IL20RA: variants seen among roughly 807,000 people sequenced by gnomAD.
IL20RA encodes interleukin 20 receptor subunit alpha.
Under a neutral mutation model 36.5 loss-of-function variants are expected in IL20RA, and 29 were observed. The observed-to-expected ratio is 0.79, with a 90% CI of 0.59 to 1.08. The LOEUF is 1.08. Among genes scored for constraint, IL20RA ranks in the 50% least tolerant of loss-of-function variants. The pLI is 0.00. For missense variants in IL20RA, 652 were observed against 668.4 expected, an observed-to-expected ratio of 0.98 and a Z score of 0.27; for synonymous variants, 279 against 267.1, an observed-to-expected ratio of 1.04 and a Z score of -0.43.
intron 1 of IL20RA, chr6:137,037,983 G>C (rs920062000): frequency 3.9e-5 from 6 of 152,120 alleles, no homozygotes; most frequent in Non-Finnish European, 5.9e-5. Flanking sequence ...TGGGTGCAGG[G>C]TAGTGAGTAT....
intron 1 of IL20RA, among the ~76,000 whole-genome samples, chr6:137,021,840 A>C (rs1775919312): frequency 6.6e-6 from 1 of 152,172 alleles, no homozygotes; most frequent in African/African-American, 2.4e-5. Flanking sequence ...AATCCTTACC[A>C]CACAGCCAGG....
In IL20RA at chr6:137,001,005, G is replaced by A. The variant is rs1775014655; in HGVS notation, c.*553C>T. 6.6e-6 allele frequency: 1 copy of A among 152,396 alleles called. No individual in the cohort carries two copies. The highest frequency in any genetic ancestry group is 6.5e-5 in the Admixed American group (1 of 15,296). The allele number at this position is 152,396 out of a possible 1,614,324, so 9.4% of individuals were successfully genotyped here. Reference sequence around the variant, plus strand: ...GATATCATGAAGGTCTGTGCCTGATGTATTCACTCAAAATATGAATCATGA... The same window carrying A: ...GATATCATGAAGGTCTGTGCCTGATATATTCACTCAAAATATGAATCATGA... On this transcript the variant is annotated 3_prime_UTR_variant, in exon 7 of 7. Coordinates refer to ENST00000316649, the MANE Select transcript of IL20RA (RefSeq NM_014432.4).
At chr6:137,024,762 C>A (rs1422744767) in intron 1 of IL20RA, among the ~76,000 whole-genome samples, 1 of 152,164 alleles carries the variant, frequency 6.6e-6, no homozygotes, top group Non-Finnish European at 1.5e-5. Context: ...TGAATAAATA[C>A]TGGCTTGTGC....
chr6:137,026,777 C>A (rs538215160), intron 1 of IL20RA, among the ~76,000 whole-genome samples: 1 of 152,178 alleles, frequency 6.6e-6, no homozygotes, highest in African/African-American at 2.4e-5. Context: ...TTGAAAGGAA[C>A]GGCATGTTTT....
intron 1 of IL20RA, among the ~76,000 whole-genome samples, chr6:137,037,492 T>C (rs907505098): frequency 7.9e-5 from 12 of 152,194 alleles, no homozygotes; most frequent in African/African-American, 2.9e-4. Context: ...GAAATTGTAC[T>C]AATATGAAAT....
At chr6:137,008,880 T>TTC in intron 4 of IL20RA, 137 bp from the exon 5 acceptor site, 1 of 591,318 alleles carries the variant, frequency 1.7e-6, no homozygotes, top group Non-Finnish European at 2.6e-6. Context: ...TTTTTTTTTT[T>TTC]TTTTTTCAGC....
At chr6:137,038,412 C>A (rs536086957) in intron 1 of IL20RA, among the ~76,000 whole-genome samples, 72 of 151,782 alleles carry the variant, frequency 4.7e-4, no homozygotes, top group Middle Eastern at 3.4e-3. Flanking sequence ...CTCCTGGCTG[C>A]TCTCAAATTC....
intron 1 of IL20RA, among the ~76,000 whole-genome samples, chr6:137,032,322 G>A (rs1776325345): frequency 1.3e-5 from 2 of 152,184 alleles, no homozygotes; most frequent in Non-Finnish European, 2.9e-5. Context: ...TCAGGCGGGT[G>A]GAGGGCACAA....
intron 5 of IL20RA, among the ~76,000 whole-genome samples, chr6:137,007,322 C>T (rs753109849): frequency 1.8e-4 from 27 of 152,212 alleles, no homozygotes; most frequent in Non-Finnish European, 3.5e-4. Context: ...CAAAGCCTTG[C>T]GCTTTTCACA....
chr6:137,016,134 G>A (rs577226691), intron 2 of IL20RA, among the ~76,000 whole-genome samples: 27 of 152,244 alleles, frequency 1.8e-4, no homozygotes, highest in Admixed American at 5.2e-4. Flanking sequence ...TCCTGACCCC[G>A]GCTCATTCCC....
At chr6:137,023,698 C>T (rs1185152392) in intron 1 of IL20RA, among the ~76,000 whole-genome samples, 1 of 152,128 alleles carries the variant, frequency 6.6e-6, no homozygotes, top group African/African-American at 2.4e-5. Flanking sequence ...CAGGTCCCAT[C>T]AGGAAGAGAG....
chr6:137,008,875 T>C, intron 4 of IL20RA, 132 bp from the exon 5 acceptor site: 2 of 603,494 alleles, frequency 3.3e-6, no homozygotes, highest in Non-Finnish European at 5.0e-6. Flanking sequence ...CTTTTTTTTT[T>C]TTTTTTTTTT....
intron 5 of IL20RA, among the ~76,000 whole-genome samples, chr6:137,005,655 GTTGTTGTTGTTT>G (rs1284600080): frequency 1.3e-5 from 2 of 152,046 alleles, no homozygotes; most frequent in East Asian, 3.8e-4. Flanking sequence ...TTTTGTTGTT[GTTGTTGTTGTTT>G]TTTTTAATGG....
chr6:137,040,435 A>G (rs1203244349), intron 1 of IL20RA, among the ~76,000 whole-genome samples: 1 of 152,012 alleles, frequency 6.6e-6, no homozygotes, highest in East Asian at 1.9e-4. Context: ...CCTTTCTCCA[A>G]TAGAAGGAAC....
chr6:137,019,056 T>C (rs894899568), intron 1 of IL20RA, among the ~76,000 whole-genome samples: 2 of 152,156 alleles, frequency 1.3e-5, no homozygotes, highest in Non-Finnish European at 1.5e-5. Context: ...TCTTAGATAG[T>C]ATAGTCCAGG....
In IL20RA at chr6:137,000,172, T is replaced by C. The variant is rs1582812757; in HGVS notation, c.*1386A>G. 2 of 152,324 alleles carry C rather than the reference T, an allele frequency of 1.3e-5. No individual in the cohort carries two copies. Among genetic ancestry groups the C allele is most frequent in the Non-Finnish European group, 1.5e-5 (1 of 68,034 alleles). The allele number at this position is 152,324 out of a possible 1,614,324, so 9.4% of individuals were successfully genotyped here. A position where few individuals can be genotyped will look rare whatever the true frequency, so the allele number is the denominator to read the frequency against. ...CATTAGATCTGAAACTGTTTGCATT[T>C]GCGGATAATCACGAAAGGTCATGAC... On this transcript the variant is annotated 3_prime_UTR_variant, in exon 7 of 7. Transcript: ENST00000316649.
intron 1 of IL20RA, among the ~76,000 whole-genome samples, chr6:137,020,274 C>A (rs979130798): frequency 4.6e-5 from 7 of 152,334 alleles, no homozygotes; most frequent in South Asian, 4.1e-4. Context: ...CGGATGACTG[C>A]AGCCCCAGCT....
rs1021865561 is a variant in IL20RA at position 137,044,930 on chromosome 6, G to C, written c.-202C>G. 1 of 385,252 alleles carries C rather than the reference G, an allele frequency of 2.6e-6. No homozygotes were observed. The highest frequency in any genetic ancestry group is 2.1e-5 in the African/African-American group (1 of 47,196). 23.9% of individuals were successfully genotyped at this position (385,252 alleles called of 1,614,324 possible). ...AAACCAAGGGCGAGCGACTCGCGGA[G>C]CCCCCACGCGCGCTCCCCCGGCTAC... On this transcript the variant is annotated 5_prime_UTR_variant, in exon 1 of 7. Transcript: ENST00000316649.
chr6:137,004,599 C>A (rs767033238), intron 6 of IL20RA, 22 bp downstream of exon 6: 13 of 1,610,972 alleles, frequency 8.1e-6, no homozygotes, highest in South Asian at 6.6e-5. Context: ...TAATAAAGAA[C>A]CCTGCCACAC....
Sources: allele counts gnomAD v4.1 joint callset (sites outside exome capture counted in the v4.1 genomes callset), GRCh38; gene constraint gnomAD v4.1.1; transcripts MANE v1.5; gene names NCBI Gene and HGNC (gene_info 2026-07-23, HGNC 2026-07-21).